SUGCT: variants seen among roughly 807,000 people sequenced by gnomAD.
SUGCT encodes succinyl-CoA:glutarate CoA-transferase.
SUGCT carries 41 observed loss-of-function variants against 55.0 expected under a neutral mutation model. The observed-to-expected ratio is 0.74, with a 90% CI of 0.58 to 0.97. The LOEUF (loss-of-function observed/expected upper bound fraction) is 0.97, where lower values mean the gene tolerates loss of function less well. Among genes scored for constraint, SUGCT ranks in the 50% least tolerant of loss-of-function variants. The probability of loss-of-function intolerance (pLI) is 0.00; values close to 1 mark genes in which losing one functional copy is unlikely to be tolerated. For synonymous variants in SUGCT, 187 were observed against 200.4 expected, an observed-to-expected ratio of 0.93 and a Z score of 0.56; for missense variants, 568 against 547.8, an observed-to-expected ratio of 1.04 and a Z score of -0.37.
intron 11 of SUGCT, among the ~76,000 whole-genome samples, chr7:40,461,891 G>A (rs1789823571): frequency 6.6e-6 from 1 of 152,160 alleles, no homozygotes; most frequent in Non-Finnish European, 1.5e-5. Flanking sequence ...TGGTCTCCAG[G>A]TCAGGCACAT....
intron 13 of SUGCT, among the ~76,000 whole-genome samples, chr7:40,750,414 G>T (rs1480958597): frequency 6.6e-6 from 1 of 151,700 alleles, no homozygotes; most frequent in Non-Finnish European, 1.5e-5. Flanking sequence ...TATAATTTTT[G>T]TTATTGTTTT....
At chr7:40,344,573 C>A (rs957029921) in intron 9 of SUGCT, among the ~76,000 whole-genome samples, 4 of 152,202 alleles carry the variant, frequency 2.6e-5, no homozygotes, top group Non-Finnish European at 5.9e-5. Flanking sequence ...TATTGTCTAG[C>A]TGCTTTTGTG....
chr7:40,676,910 TGTG>T (rs1784016347), intron 12 of SUGCT, among the ~76,000 whole-genome samples: 1 of 151,442 alleles, frequency 6.6e-6, no homozygotes, highest in Non-Finnish European at 1.5e-5. Flanking sequence ...TGTGTGTGTG[TGTG>T]TGTGTGTGTG....
chr7:40,766,843 CA>C (rs1449647486), intron 13 of SUGCT, among the ~76,000 whole-genome samples: 1 of 152,084 alleles, frequency 6.6e-6, no homozygotes, highest in Non-Finnish European at 1.5e-5. Flanking sequence ...AAGTGTTATA[CA>C]AATGTAAGTT....
At chr7:40,375,969 G>A (rs1004372530) in intron 9 of SUGCT, among the ~76,000 whole-genome samples, 4 of 152,176 alleles carry the variant, frequency 2.6e-5, no homozygotes, top group Admixed American at 6.5e-5. Flanking sequence ...ACAGATTCTC[G>A]TGTCAGATGG....
chr7:40,855,852 T>G (rs982059022), intron 13 of SUGCT, among the ~76,000 whole-genome samples: 1 of 152,188 alleles, frequency 6.6e-6, no homozygotes, highest in Non-Finnish European at 1.5e-5. Flanking sequence ...TATTAAAAAT[T>G]TTTAACTTTC....
chr7:40,871,866 A>T, the SUGCT span, among the ~76,000 whole-genome samples: 3 of 152,188 alleles, frequency 2.0e-5, no homozygotes, highest in African/African-American at 7.2e-5. Context: ...ATGGAACACA[A>T]ATATTAATGA....
At chr7:40,607,077 C>T (rs1423249507) in intron 12 of SUGCT, among the ~76,000 whole-genome samples, 17 of 150,800 alleles carry the variant, frequency 1.1e-4, no homozygotes, top group Admixed American at 1.1e-3. Context: ...TTGAGAAACA[C>T]TGAAGGCTTT....
chr7:40,574,153 C>G (rs1299371659), intron 12 of SUGCT, among the ~76,000 whole-genome samples: 2 of 152,110 alleles, frequency 1.3e-5, no homozygotes, highest in African/African-American at 2.4e-5. Context: ...AAAACTTTCC[C>G]TGGATACTCA....
chr7:40,354,823 A>G (rs941837349), intron 9 of SUGCT, among the ~76,000 whole-genome samples: 3 of 152,234 alleles, frequency 2.0e-5, no homozygotes, highest in African/African-American at 7.2e-5. Context: ...CATAACAATA[A>G]TAATAGTTAA....
At chr7:40,195,290 C>T (rs933413769) in intron 6 of SUGCT, among the ~76,000 whole-genome samples, 7 of 147,184 alleles carry the variant, frequency 4.8e-5, no homozygotes, top group Middle Eastern at 3.4e-3. Context: ...GGCGCGATCT[C>T]GGCTTACTGC....
intron 9 of SUGCT, among the ~76,000 whole-genome samples, chr7:40,441,842 G>A (rs1562779798): frequency 6.6e-6 from 1 of 152,074 alleles, no homozygotes; most frequent in Non-Finnish European, 1.5e-5. Context: ...GGCAGGCTGA[G>A]GGAGAGGGAT....
chr7:40,857,774 G>T (rs996383037), intron 13 of SUGCT, among the ~76,000 whole-genome samples: 1 of 152,152 alleles, frequency 6.6e-6, no homozygotes, highest in Non-Finnish European at 1.5e-5. Flanking sequence ...TATTTATAAG[G>T]AGTAGCCAGA....
chr7:41,009,225 A>G, the SUGCT span, among the ~76,000 whole-genome samples: 2 of 151,702 alleles, frequency 1.3e-5, no homozygotes, highest in African/African-American at 2.4e-5. Context: ...AAAAAAAAAA[A>G]AGCAACTTAT....
At chr7:40,525,583 T>C (rs1470946703) in intron 12 of SUGCT, among the ~76,000 whole-genome samples, 1 of 152,084 alleles carries the variant, frequency 6.6e-6, no homozygotes, top group Non-Finnish European at 1.5e-5. Flanking sequence ...AAGTGACATT[T>C]AGAAGAATCT....
chr7:40,663,970 G>T (rs917899531), intron 12 of SUGCT, among the ~76,000 whole-genome samples: 1 of 152,038 alleles, frequency 6.6e-6, no homozygotes, highest in African/African-American at 2.4e-5. Context: ...TTAGGTCACT[G>T]GGGGGAGGGC....
intron 12 of SUGCT, among the ~76,000 whole-genome samples, chr7:40,722,849 A>C (rs1451937868): frequency 6.6e-6 from 1 of 152,162 alleles, no homozygotes; most frequent in Non-Finnish European, 1.5e-5. Flanking sequence ...TGTGTGACAC[A>C]TTGAAGCGAT....
chr7:40,907,096 AGT>A, the SUGCT span, among the ~76,000 whole-genome samples: 1,427 of 101,604 alleles, frequency 0.014, 6 homozygotes, highest in South Asian at 0.069. Flanking sequence ...TTGTTCTGAT[AGT>A]GTGTGTGTGT....
At chr7:40,362,887 T>C (rs1175603026) in intron 9 of SUGCT, among the ~76,000 whole-genome samples, 1 of 152,162 alleles carries the variant, frequency 6.6e-6, no homozygotes, top group Non-Finnish European at 1.5e-5. Context: ...CAATTTTGTC[T>C]TATAGTATAT....
Sources: allele counts gnomAD v4.1 joint callset (sites outside exome capture counted in the v4.1 genomes callset), GRCh38; gene constraint gnomAD v4.1.1; transcripts MANE v1.5; gene names NCBI Gene and HGNC (gene_info 2026-07-23, HGNC 2026-07-21).